Variants in LSAMP observed in about 807,000 individuals in gnomAD.
LSAMP encodes the protein limbic system-associated membrane protein.
A neutral mutation model predicts 38.6 loss-of-function variants in LSAMP; 7 were observed. The observed-to-expected ratio is 0.18, with a 90% CI of 0.10 to 0.34. LSAMP has a LOEUF of 0.34. Among genes scored for constraint, LSAMP ranks in the 10% least tolerant of loss-of-function variants. LSAMP has a pLI of 1.00. For missense variants in LSAMP, 313 were observed against 420.0 expected (o/e 0.75, Z 2.23); for synonymous variants, 154 against 166.8 (o/e 0.92, Z 0.59).
rs142548117 is a variant in LSAMP, at chr3:116,247,934, C to A, written c.156-161378G>T. Among the ~76,000 whole-genome samples the A allele has an allele frequency of 7.4e-4, 113 of 152,288 alleles. 1 individual carries two copies. The South Asian group carries it at 0.019, about 26-fold the overall frequency. Reference sequence around the variant, plus strand: ...CATGTCCTCATAAAGCTTTTCAGATCATGTCAGGTTTAAGTCCACACAGTA... The same window carrying A: ...CATGTCCTCATAAAGCTTTTCAGATAATGTCAGGTTTAAGTCCACACAGTA... On this transcript the variant is annotated intron_variant, in intron 1 of 6. Transcript: ENST00000490035.
At chr3:116,394,633 C>T (rs113387331) in intron 1 of LSAMP, among the ~76,000 whole-genome samples, 21 of 152,250 alleles carry the variant, frequency 1.4e-4, no homozygotes, top group Non-Finnish European at 2.1e-4. Flanking sequence ...GACAATTTTA[C>T]GCAGAAAGAA....
chr3:115,897,415 C>T (rs1936756847), intron 3 of LSAMP, among the ~76,000 whole-genome samples: 1 of 151,932 alleles, frequency 6.6e-6, no homozygotes, highest in South Asian at 2.1e-4. Context: ...AGTTATTTAC[C>T]TCCCTCTTCT....
chr3:116,405,949 C>A (rs1327727738), intron 1 of LSAMP, among the ~76,000 whole-genome samples: 1 of 152,014 alleles, frequency 6.6e-6, no homozygotes, highest in Non-Finnish European at 1.5e-5. Flanking sequence ...GTGTATGAGC[C>A]TAGAAAATTA....
chr3:115,854,736 A>G (rs973830744), intron 3 of LSAMP, among the ~76,000 whole-genome samples: 9 of 152,134 alleles, frequency 5.9e-5, no homozygotes, highest in Non-Finnish European at 1.3e-4. Flanking sequence ...TATTGTTTCT[A>G]TGCACTAAGT....
intron 3 of LSAMP, among the ~76,000 whole-genome samples, chr3:115,856,397 C>G (rs915649721): frequency 3.9e-5 from 6 of 152,080 alleles, no homozygotes; most frequent in African/African-American, 1.4e-4. Context: ...GTGGGCAGAT[C>G]ACTTGAGGTC....
At chr3:116,439,044 C>G (rs1270968440) in intron 1 of LSAMP, among the ~76,000 whole-genome samples, 2 of 152,100 alleles carry the variant, frequency 1.3e-5, no homozygotes, top group Non-Finnish European at 2.9e-5. Flanking sequence ...TGGTTTTTAC[C>G]TCTATGTACA....
At chr3:116,027,989 G>A (rs975216693) in intron 2 of LSAMP, among the ~76,000 whole-genome samples, 1 of 152,156 alleles carries the variant, frequency 6.6e-6, no homozygotes, top group Admixed American at 6.6e-5. Context: ...TGATGGTGGG[G>A]TCTTAAAGAA....
chr3:115,911,232 C>A (rs866972875), intron 3 of LSAMP, among the ~76,000 whole-genome samples: 1 of 152,090 alleles, frequency 6.6e-6, no homozygotes, highest in South Asian at 2.1e-4. Flanking sequence ...GTTGTTTCTT[C>A]TTATTGCTAT....
At chr3:116,199,319 G>C (rs987858619) in intron 1 of LSAMP, among the ~76,000 whole-genome samples, 2 of 152,024 alleles carry the variant, frequency 1.3e-5, no homozygotes, top group African/African-American at 2.4e-5. Context: ...TTCCTTCCAG[G>C]ATGCCTTTCC....
At chr3:115,931,964 G>A (rs577264574) in intron 3 of LSAMP, among the ~76,000 whole-genome samples, 2 of 152,122 alleles carry the variant, frequency 1.3e-5, no homozygotes, top group Non-Finnish European at 2.9e-5. Flanking sequence ...TGAGCTGGGC[G>A]ATGTGGGGGA....
Position 116,381,373 on chromosome 3 carries a change from T to C in LSAMP, c.155+63504A>G, listed in dbSNP as rs192147385. 5.9e-5 allele frequency among the ~76,000 whole-genome samples: 9 copies of C among 152,234 alleles called. No individual in the cohort carries two copies. In the East Asian group the frequency reaches 1.5e-3, roughly 26 times the overall value. ...AAAGATCATGTGGACTGGTTATTTC[T>C]TGACAAACTTTCCTCATTGAGGGTT... On this transcript the variant is annotated intron_variant, in intron 1 of 6. Transcript: ENST00000490035.
intron 3 of LSAMP, among the ~76,000 whole-genome samples, chr3:115,992,770 C>T (rs193195102): frequency 6.6e-6 from 1 of 152,010 alleles, no homozygotes; most frequent in African/African-American, 2.4e-5. Flanking sequence ...ACAACAATAC[C>T]ATCTAGAGAT....
chr3:116,071,508 A>G (rs933145922), intron 2 of LSAMP, among the ~76,000 whole-genome samples: 5 of 152,218 alleles, frequency 3.3e-5, no homozygotes, highest in South Asian at 2.1e-4. Flanking sequence ...CAGTGGAGGT[A>G]TGAGTACATA....
chr3:116,099,380 T>C (rs891567936), intron 1 of LSAMP, among the ~76,000 whole-genome samples: 5 of 151,896 alleles, frequency 3.3e-5, no homozygotes, highest in Admixed American at 2.0e-4. Context: ...GGGAAAGAGC[T>C]GAATCTAAGT....
intron 3 of LSAMP, among the ~76,000 whole-genome samples, chr3:115,878,337 A>C (rs1174782666): frequency 6.6e-6 from 1 of 152,008 alleles, no homozygotes; most frequent in Non-Finnish European, 1.5e-5. Context: ...ACAATGATGA[A>C]GTATTGTTGT....
chr3:116,326,436 T>G (rs770444021), intron 1 of LSAMP, among the ~76,000 whole-genome samples: 3 of 152,164 alleles, frequency 2.0e-5, no homozygotes, highest in Non-Finnish European at 2.9e-5. Flanking sequence ...AGAACTCTCC[T>G]GAGTCTCTCT....
chr3:116,098,072 A>C (rs1044109791), intron 1 of LSAMP, among the ~76,000 whole-genome samples: 2 of 152,170 alleles, frequency 1.3e-5, no homozygotes, highest in African/African-American at 2.4e-5. Context: ...TGTGGAAACA[A>C]ATGTGAAATA....
intron 1 of LSAMP, among the ~76,000 whole-genome samples, chr3:116,369,134 GA>G (rs796166742): frequency 4.3e-4 from 61 of 142,272 alleles, no homozygotes; most frequent in Admixed American, 7.7e-4. Flanking sequence ...AAGAAAGCAA[GA>G]AAAAAAAAAA....
chr3:116,085,495 A>T (rs551639264), intron 2 of LSAMP, among the ~76,000 whole-genome samples: 1 of 152,362 alleles, frequency 6.6e-6, no homozygotes, highest in African/African-American at 2.4e-5. Flanking sequence ...TCAAGAATAC[A>T]TGAACACAGC....
Sources: gnomAD v4.1 joint callset for allele counts (sites outside exome capture counted in the v4.1 genomes callset) on GRCh38, gnomAD v4.1.1 for gene constraint, MANE v1.5 for transcripts, NCBI Gene and HGNC (gene_info 2026-07-23, HGNC 2026-07-21) for gene names.